The following VTI1A variants were observed in gnomAD, a reference collection of about 807,000 sequenced individuals.
The protein encoded by VTI1A is vesicle transport through interaction with t-SNAREs 1A.
In VTI1A, 22 loss-of-function variants were observed where a neutral mutation model predicts 34.9. The ratio of observed to expected loss-of-function variants is 0.63; its 90% CI spans 0.45 to 0.90. The LOEUF is 0.90. Ranked by LOEUF, VTI1A falls within the 40% of genes least tolerant of loss-of-function variation. VTI1A has a pLI of 0.00. For missense variants in VTI1A, 268 were observed against 275.6 expected, an observed-to-expected ratio of 0.97 and a Z score of 0.20; for synonymous variants, 87 against 97.3, an observed-to-expected ratio of 0.89 and a Z score of 0.62.
intron 5 of VTI1A, among the ~76,000 whole-genome samples, chr10:112,560,597 CTT>C (rs1281971200): frequency 2.3e-4 from 28 of 123,660 alleles, no homozygotes; most frequent in Admixed American, 3.3e-4. Flanking sequence ...AATAGAAGTG[CTT>C]TTTTTTTTTT....
At chr10:112,542,019 T>C (rs1328163461) in intron 5 of VTI1A, among the ~76,000 whole-genome samples, 1 of 152,210 alleles carries the variant, frequency 6.6e-6, no homozygotes, top group Non-Finnish European at 1.5e-5. Context: ...TTACTATTAA[T>C]AGTCAGATAT....
chr10:112,609,155 C>T (rs551670055), intron 5 of VTI1A, among the ~76,000 whole-genome samples: 24 of 152,160 alleles, frequency 1.6e-4, no homozygotes, highest in African/African-American at 5.5e-4. Context: ...TCCTCTTATA[C>T]TGTGCTGCTT....
intron 3 of VTI1A, among the ~76,000 whole-genome samples, chr10:112,510,173 T>A (rs1228350316): frequency 6.6e-6 from 1 of 152,194 alleles, no homozygotes; most frequent in Non-Finnish European, 1.5e-5. Flanking sequence ...TCAAGAACAT[T>A]TGACAATGAC....
intron 3 of VTI1A, among the ~76,000 whole-genome samples, chr10:112,522,833 G>T (rs955300672): frequency 6.6e-6 from 1 of 152,024 alleles, no homozygotes; most frequent in Non-Finnish European, 1.5e-5. Context: ...CACATGGAAA[G>T]CATTATAAAT....
intron 5 of VTI1A, among the ~76,000 whole-genome samples, chr10:112,642,889 A>T (rs1349094481): frequency 1.3e-5 from 2 of 151,596 alleles, no homozygotes; most frequent in African/African-American, 4.9e-5. Flanking sequence ...ATCATGAAAA[A>T]CTTTTGGACA....
chr10:112,842,445 A>G, the VTI1A span, among the ~76,000 whole-genome samples: 1 of 152,174 alleles, frequency 6.6e-6, no homozygotes, highest in African/African-American at 2.4e-5. Flanking sequence ...ACAAGATCAC[A>G]TGAATCTCCT....
chr10:112,822,443 C>T (rs1460694422), downstream of VTI1A, among the ~76,000 whole-genome samples: 2 of 151,914 alleles, frequency 1.3e-5, no homozygotes, highest in African/African-American at 2.4e-5. Context: ...GGACAGCTAA[C>T]CCTGGGGGCA....
chr10:112,460,111 C>T (rs770441515), intron 1 of VTI1A, among the ~76,000 whole-genome samples: 1 of 152,112 alleles, frequency 6.6e-6, no homozygotes, highest in Non-Finnish European at 1.5e-5. Flanking sequence ...ATTGTTTTTG[C>T]CCAGTTTTAG....
chr10:112,469,876 A>G (rs1848021342), intron 3 of VTI1A, among the ~76,000 whole-genome samples: 1 of 152,130 alleles, frequency 6.6e-6, no homozygotes, highest in Admixed American at 6.5e-5. Context: ...TTACCCTGCT[A>G]TGTTTGATGA....
chr10:112,804,102 C>T (rs1011815076), intron 7 of VTI1A, among the ~76,000 whole-genome samples: 1 of 152,212 alleles, frequency 6.6e-6, no homozygotes, highest in African/African-American at 2.4e-5. Context: ...CTAAACCCAT[C>T]GGACTTATCA....
intron 5 of VTI1A, among the ~76,000 whole-genome samples, chr10:112,598,151 G>T (rs538840590): frequency 6.6e-6 from 1 of 152,336 alleles, no homozygotes; most frequent in African/African-American, 2.4e-5. Context: ...AGAGTAACAT[G>T]AGACTAGCAC....
At chr10:112,681,845 A>G (rs993931021) in intron 7 of VTI1A, among the ~76,000 whole-genome samples, 4 of 152,240 alleles carry the variant, frequency 2.6e-5, no homozygotes, top group Non-Finnish European at 4.4e-5. Flanking sequence ...GAATGTTGGC[A>G]GAGTACATAA....
chr10:112,694,071 T>C (rs908111201), intron 7 of VTI1A, among the ~76,000 whole-genome samples: 5 of 152,074 alleles, frequency 3.3e-5, no homozygotes, highest in Admixed American at 3.3e-4. Context: ...GCCAGCTTGG[T>C]GGCGCGTGCC....
At chr10:112,774,814 C>T (rs756830945) in intron 7 of VTI1A, among the ~76,000 whole-genome samples, 1 of 152,072 alleles carries the variant, frequency 6.6e-6, no homozygotes, top group Non-Finnish European at 1.5e-5. Flanking sequence ...AAACAGATTT[C>T]GTGTGTGTGC....
At chr10:112,698,205 CAGAA>C (rs1848864109) in intron 7 of VTI1A, among the ~76,000 whole-genome samples, 1 of 152,134 alleles carries the variant, frequency 6.6e-6, no homozygotes, top group Non-Finnish European at 1.5e-5. Context: ...AAATTGAAAA[CAGAA>C]AGCCAAATCC....
At chr10:112,801,754 C>T (rs1259389147) in intron 7 of VTI1A, among the ~76,000 whole-genome samples, 2 of 152,302 alleles carry the variant, frequency 1.3e-5, no homozygotes, top group Admixed American at 6.5e-5. Context: ...CAGGTGATCA[C>T]GCATTTACCT....
chr10:112,680,001 T>G (rs1848160597), intron 7 of VTI1A, among the ~76,000 whole-genome samples: 1 of 152,170 alleles, frequency 6.6e-6, no homozygotes, highest in Non-Finnish European at 1.5e-5. Flanking sequence ...CTTAAAAGGT[T>G]CAAAAGAGTC....
intron 7 of VTI1A, among the ~76,000 whole-genome samples, chr10:112,764,109 C>T (rs1046587426): frequency 6.6e-6 from 1 of 152,180 alleles, no homozygotes; most frequent in Admixed American, 6.5e-5. Context: ...TGATGCCCGA[C>T]CTATAGCAAT....
At chr10:112,838,444 G>A in the VTI1A span, among the ~76,000 whole-genome samples, 2 of 152,250 alleles carry the variant, frequency 1.3e-5, no homozygotes, top group Non-Finnish European at 2.9e-5. Context: ...TGCACATTAT[G>A]TCATATATGG....
Sources: gnomAD v4.1 joint callset for allele counts (sites outside exome capture counted in the v4.1 genomes callset) on GRCh38, gnomAD v4.1.1 for gene constraint, MANE v1.5 for transcripts, NCBI Gene and HGNC (gene_info 2026-07-23, HGNC 2026-07-21) for gene names.